The following DHX33 variants were observed in gnomAD, a reference collection of about 807,000 sequenced individuals.
The protein encoded by DHX33 is DEAH-box helicase 33, also known as ATP-dependent RNA helicase DHX33.
A neutral mutation model predicts 72.5 loss-of-function variants in DHX33; 42 were observed. The observed-to-expected ratio is 0.58, with a 90% CI of 0.45 to 0.75. The LOEUF (loss-of-function observed/expected upper bound fraction) is 0.75, where lower values mean the gene tolerates loss of function less well. Among genes scored for constraint, DHX33 ranks in the 30% least tolerant of loss-of-function variants. DHX33 has a pLI of 0.00. For missense variants in DHX33, 842 were observed against 917.5 expected, an observed-to-expected ratio of 0.92 and a Z score of 1.06; for synonymous variants, 358 against 366.1, an observed-to-expected ratio of 0.98 and a Z score of 0.25.
rs2151679555 is a variant in DHX33 at position 5,441,776 on chromosome 17, T to C, written c.*2429A>G. On this transcript the variant is annotated 3_prime_UTR_variant, in exon 12 of 12. Coordinates refer to ENST00000225296, the MANE Select transcript of DHX33 (RefSeq NM_020162.4). ...ATAAACTTATTTCTGTACAGAAACA[T>C]TAAAGCTACTTAGAAGCTGTTTACA... 1 of 152,334 alleles carries C rather than the reference T, an allele frequency of 6.6e-6. No homozygotes were observed. Among genetic ancestry groups the C allele is most frequent in the African/African-American group, 2.4e-5 (1 of 41,582 alleles). 9.4% of individuals were successfully genotyped at this position (152,334 alleles called of 1,614,324 possible). A position where few individuals can be genotyped will look rare whatever the true frequency, so the allele number is the denominator to read the frequency against.
In DHX33 at chr17:5,468,727, C is replaced by G; in HGVS notation, c.133G>C (p.Gly45Arg). Residue 45 changes from glycine to arginine, a missense_variant, in exon 1 of 12, where the codon GGA becomes CGA. By Grantham distance (125) the Gly-to-Arg change is moderately radical. Coordinates refer to ENST00000225296, the MANE Select transcript of DHX33 (RefSeq NM_020162.4). ...GGCTGCTGCCTCCGGCCTCCTCCTCCTCCTCTGCCGCCGCTGCCCGCAGTC... is the reference window on the plus strand; with the variant it reads ...GGCTGCTGCCTCCGGCCTCCTCCTCGTCCTCTGCCGCCGCTGCCCGCAGTC... ...LLTAGSGGRG[G>R]GGGRRQQPPL... 6.2e-7 allele frequency: 1 copy of G among 1,611,122 alleles called. No homozygotes were observed. Among genetic ancestry groups the G allele is most frequent in the Non-Finnish European group, 8.5e-7 (1 of 1,179,154 alleles).
intron 4 of DHX33, among the ~76,000 whole-genome samples, chr17:5,459,329 T>G (rs1299524584): frequency 6.6e-6 from 1 of 152,168 alleles, no homozygotes; most frequent in Non-Finnish European, 1.5e-5. Flanking sequence ...TGATTCAAAT[T>G]TTTGAAGTAA....
intron 11 of DHX33, among the ~76,000 whole-genome samples, chr17:5,447,969 A>C (rs1282882902): frequency 6.6e-6 from 1 of 152,182 alleles, no homozygotes; most frequent in Non-Finnish European, 1.5e-5. Flanking sequence ...ACCTGAGGTC[A>C]GGAGTTCGAG....
intron 11 of DHX33, among the ~76,000 whole-genome samples, chr17:5,445,847 C>T (rs1226870067): frequency 1.3e-5 from 2 of 152,094 alleles, no homozygotes. Flanking sequence ...TTTTCTGGTT[C>T]CTGTGACTCT....
chr17:5,461,936 CTT>C (rs35332211), intron 3 of DHX33, among the ~76,000 whole-genome samples: 9 of 113,672 alleles, frequency 7.9e-5, no homozygotes, highest in African/African-American at 1.1e-4. Flanking sequence ...TGAACTTTCA[CTT>C]TTTTTTTTTT....
intron 8 of DHX33, among the ~76,000 whole-genome samples, chr17:5,452,550 C>T (rs1469438139): frequency 2.0e-5 from 3 of 149,904 alleles, no homozygotes; most frequent in Non-Finnish European, 3.0e-5. Context: ...AAAACAAAAA[C>T]AAAAACAAAA....
At chr17:5,451,290 A>G (rs1229622172) in intron 8 of DHX33, among the ~76,000 whole-genome samples, 1 of 152,122 alleles carries the variant, frequency 6.6e-6, no homozygotes, top group Non-Finnish European at 1.5e-5. Flanking sequence ...ATTTTTAGTG[A>G]GACGGGGTTT....
At chr17:5,461,303 C>G (rs1034855180) in intron 3 of DHX33, 194 bp from the exon 4 acceptor site, 1 of 432,424 alleles carries the variant, frequency 2.3e-6, no homozygotes, top group African/African-American at 2.1e-5. Context: ...CTTTCCTTTC[C>G]TTCTTTTTTT....
chr17:5,450,445 C>G (rs1403594626), intron 9 of DHX33, 39 bp from the exon 10 acceptor site: 1 of 1,600,712 alleles, frequency 6.2e-7, no homozygotes. Context: ...ACCCAGCTTT[C>G]TCCTAGCTTT....
At chr17:5,455,094 G>A in intron 6 of DHX33, 66 bp downstream of exon 6, 1 of 1,363,708 alleles carries the variant, frequency 7.3e-7, no homozygotes, top group Non-Finnish European at 1.0e-6. Context: ...GGAAAACTGT[G>A]GGACTACAGT....
At chr17:5,457,168 C>T (rs531152208) in intron 4 of DHX33, among the ~76,000 whole-genome samples, 1 of 152,048 alleles carries the variant, frequency 6.6e-6, no homozygotes, top group Non-Finnish European at 1.5e-5. Flanking sequence ...ATTAGCCAGG[C>T]GTGGTGGCGC....
chr17:5,447,567 T>C (rs943015042), intron 11 of DHX33, among the ~76,000 whole-genome samples: 50 of 151,740 alleles, frequency 3.3e-4, no homozygotes, highest in African/African-American at 1.2e-3. Flanking sequence ...GAGGTTGTGG[T>C]GAGCCAAGAT....
chr17:5,449,180 A>C (rs1916784413), intron 10 of DHX33, among the ~76,000 whole-genome samples: 1 of 152,240 alleles, frequency 6.6e-6, no homozygotes, highest in African/African-American at 2.4e-5. Flanking sequence ...ACGTAGGAAA[A>C]TATCTTTATA....
intron 10 of DHX33, 63 bp downstream of exon 10, chr17:5,450,140 A>G: frequency 1.3e-6 from 2 of 1,584,290 alleles, no homozygotes; most frequent in Non-Finnish European, 8.6e-7. Context: ...TCAGTAGAAA[A>G]AGGGAAGCAC....
chr17:5,462,668 C>A, intron 2 of DHX33, 122 bp from the exon 3 acceptor site: 1 of 690,102 alleles, frequency 1.4e-6, no homozygotes, highest in East Asian at 2.5e-5. Flanking sequence ...TTCCCACTCC[C>A]TTGGGAAGCA....
chr17:5,456,483 C>T (rs1257162936), intron 4 of DHX33, among the ~76,000 whole-genome samples: 2 of 152,082 alleles, frequency 1.3e-5, no homozygotes, highest in Non-Finnish European at 2.9e-5. Context: ...CCCATCTCTA[C>T]AAAACACTTT....
rs766360084 is a variant in DHX33, at chr17:5,462,546, C to T, written c.451G>A (p.Val151Ile). Residue 151 changes from valine (V) to isoleucine (I), a missense_variant and splice_region_variant, in exon 3 of 12, where the codon GTT (valine) becomes ATT (isoleucine). Physicochemically the swap from Val to Ile is conservative, Grantham distance 29 (BLOSUM62 3). Transcript: ENST00000225296. ...DEKRTELGKL[V>I]GYTVRFDDVT... ...TCATCAAAGCGCACTGTATAGCCAA[C>T]CTGTGCAGGGAAACAATTTATTCAG... The T allele has an allele frequency of 1.1e-5, 17 of 1,611,138 alleles. No individual in the cohort carries two copies. The highest frequency in any genetic ancestry group is 1.7e-5 in the Admixed American group (1 of 59,982).
chr17:5,450,998 G>A (rs916995244), intron 8 of DHX33, 64 bp from the exon 9 acceptor site: 1 of 1,575,716 alleles, frequency 6.3e-7, no homozygotes. Context: ...AGCTAGTTCA[G>A]TATTTCTGGG....
At chr17:5,460,890 A>T in intron 4 of DHX33, 49 bp downstream of exon 4, 2 of 1,569,008 alleles carry the variant, frequency 1.3e-6, no homozygotes, top group Non-Finnish European at 1.7e-6. Flanking sequence ...CTCACTACCA[A>T]CTGCAAGATA....
Sources: allele counts gnomAD v4.1 joint callset (sites outside exome capture counted in the v4.1 genomes callset), GRCh38; gene constraint gnomAD v4.1.1; transcripts MANE v1.5; gene names NCBI Gene and HGNC (gene_info 2026-07-23, HGNC 2026-07-21).